The following PTPRD variants were observed in gnomAD, a reference collection of about 807,000 sequenced individuals.
The protein encoded by PTPRD is protein tyrosine phosphatase receptor type D.
PTPRD carries 34 observed loss-of-function variants against 214.5 expected under a neutral mutation model. That is an observed-to-expected ratio of 0.16 (90% CI 0.12 to 0.21). The LOEUF (loss-of-function observed/expected upper bound fraction) is 0.21, where lower values mean the gene tolerates loss of function less well. PTPRD is among the 10% of genes least tolerant of loss of function. The pLI, the probability that PTPRD is intolerant of heterozygous loss-of-function variation, is 1.00. For synonymous variants in PTPRD, 1,128 were observed against 845.7 expected, an observed-to-expected ratio of 1.33 and a Z score of -5.79; for missense variants, 2,545 against 2,398.7, an observed-to-expected ratio of 1.06 and a Z score of -1.27.
At chr9:8,715,406 T>C (rs1233121805) in intron 12 of PTPRD, among the ~76,000 whole-genome samples, 1 of 152,190 alleles carries the variant, frequency 6.6e-6, no homozygotes, top group Non-Finnish European at 1.5e-5. Flanking sequence ...CTTGCCATCA[T>C]ACCACCAGCA....
At chr9:9,579,284 A>C (rs186737372) in intron 7 of PTPRD, among the ~76,000 whole-genome samples, 2 of 152,190 alleles carry the variant, frequency 1.3e-5, no homozygotes, top group Admixed American at 1.3e-4. Context: ...CAAAGTCTTT[A>C]AGTTCATCTC....
chr9:8,397,705 C>T (rs1279069663), intron 36 of PTPRD, among the ~76,000 whole-genome samples: 1 of 152,112 alleles, frequency 6.6e-6, no homozygotes, highest in Admixed American at 6.6e-5. Context: ...TGGTGGATAA[C>T]ATTACAGAAG....
intron 11 of PTPRD, among the ~76,000 whole-genome samples, chr9:8,774,797 G>C (rs1181441323): frequency 1.3e-5 from 2 of 152,054 alleles, no homozygotes; most frequent in African/African-American, 4.8e-5. Context: ...GCCTCCCAAA[G>C]TGCTGGAATC....
chr9:9,994,697 A>G (rs2075327162), intron 4 of PTPRD, among the ~76,000 whole-genome samples: 1 of 152,126 alleles, frequency 6.6e-6, no homozygotes, highest in Admixed American at 6.5e-5. Context: ...GACCATGTGC[A>G]TCTTAAACAA....
At chr9:9,213,470 C>A (rs960637597) in intron 9 of PTPRD, among the ~76,000 whole-genome samples, 14 of 152,258 alleles carry the variant, frequency 9.2e-5, no homozygotes, top group African/African-American at 3.4e-4. Flanking sequence ...AAAATCACTT[C>A]ATTTAAAACC....
chr9:9,199,939 T>C (rs957002003), intron 9 of PTPRD, among the ~76,000 whole-genome samples: 1 of 152,210 alleles, frequency 6.6e-6, no homozygotes. Flanking sequence ...TTAGCAAGTC[T>C]TTGAAACTTA....
chr9:10,457,099 G>C (rs1210987767), intron 2 of PTPRD, among the ~76,000 whole-genome samples: 1 of 151,178 alleles, frequency 6.6e-6, no homozygotes. Context: ...CTTTTTTATT[G>C]AGCTAATGCA....
At chr9:9,322,738 T>A (rs565952739) in intron 9 of PTPRD, among the ~76,000 whole-genome samples, 49 of 152,274 alleles carry the variant, frequency 3.2e-4, no homozygotes, top group Non-Finnish European at 6.3e-4. Flanking sequence ...AACCGTTTTG[T>A]AGAGACTTCA....
chr9:10,511,639 C>G (rs1203903965), intron 2 of PTPRD, among the ~76,000 whole-genome samples: 1 of 147,426 alleles, frequency 6.8e-6, no homozygotes, highest in African/African-American at 2.5e-5. Context: ...TGGTCTTGAA[C>G]TCCTGACCTC....
chr9:10,016,831 A>C (rs2096727494), intron 4 of PTPRD, among the ~76,000 whole-genome samples: 1 of 152,038 alleles, frequency 6.6e-6, no homozygotes, highest in Non-Finnish European at 1.5e-5. Context: ...TGTCTGGCTA[A>C]TCTTTTGATT....
At chr9:9,908,383 G>T (rs566263175) in intron 5 of PTPRD, among the ~76,000 whole-genome samples, 7 of 151,810 alleles carry the variant, frequency 4.6e-5, no homozygotes, top group South Asian at 2.1e-4. Flanking sequence ...GGTGGGAAGG[G>T]GTCTCTCCAG....
intron 8 of PTPRD, among the ~76,000 whole-genome samples, chr9:9,414,061 A>G (rs2076298694): frequency 6.6e-6 from 1 of 152,210 alleles, no homozygotes; most frequent in African/African-American, 2.4e-5. Flanking sequence ...TTCACCTCCT[A>G]TTATTTAAAA....
intron 2 of PTPRD, among the ~76,000 whole-genome samples, chr9:10,560,628 T>G (rs1322539888): frequency 6.7e-6 from 1 of 149,986 alleles, no homozygotes; most frequent in African/African-American, 2.5e-5. Flanking sequence ...AAATATGGAG[T>G]AAGAATAAGA....
intron 5 of PTPRD, among the ~76,000 whole-genome samples, chr9:9,814,872 T>C (rs2048274931): frequency 6.7e-6 from 1 of 149,042 alleles, no homozygotes; most frequent in Non-Finnish European, 1.5e-5. Flanking sequence ...CGATCACGGT[T>C]CACTGCAGCC....
At position 8,341,202 on chromosome 9, in the gene PTPRD, T is replaced by G. The variant is rs2132436105; in HGVS notation, c.5014A>C (p.Lys1672Gln). The G allele has an allele frequency of 6.2e-7, 1 of 1,613,228 alleles. No homozygotes were observed. The highest frequency in any genetic ancestry group is 8.5e-7 in the Non-Finnish European group (1 of 1,179,508). Residue 1672 changes from lysine to glutamine, a missense_variant, in exon 41 of 46, where the codon AAA (lysine) becomes CAA (glutamine). Transcript: ENST00000381196. ...ISANLPCNKFKNRLVNIMPYE... is the reference protein window; with the variant it reads ...ISANLPCNKFQNRLVNIMPYE... Reference sequence around the variant, plus strand: ...GGCATAATATTAACAAGGCGATTTTTGAATTTATTACATGGAAGATTGGCA... The same window carrying G: ...GGCATAATATTAACAAGGCGATTTTGGAATTTATTACATGGAAGATTGGCA...
intron 10 of PTPRD, among the ~76,000 whole-genome samples, chr9:9,137,648 T>C (rs2154478920): frequency 6.6e-6 from 1 of 152,310 alleles, no homozygotes; most frequent in African/African-American, 2.4e-5. Context: ...TTAGTTTATT[T>C]ACTATAACAA....
intron 39 of PTPRD, among the ~76,000 whole-genome samples, chr9:8,366,757 T>G (rs10125894): frequency 0.1 from 15,178 of 152,238 alleles, 832 homozygotes; most frequent in African/African-American, 0.14. Context: ...TGGGGCTTAT[T>G]GTTTGGAACT....
At chr9:9,485,968 T>C (rs1399855186) in intron 8 of PTPRD, among the ~76,000 whole-genome samples, 1 of 151,692 alleles carries the variant, frequency 6.6e-6, no homozygotes, top group African/African-American at 2.4e-5. Context: ...CTAGCCAACA[T>C]AGTGAAACCT....
intron 4 of PTPRD, among the ~76,000 whole-genome samples, chr9:9,958,120 A>T (rs1484186844): frequency 3.9e-5 from 6 of 152,230 alleles, no homozygotes; most frequent in African/African-American, 1.4e-4. Flanking sequence ...AACTCAAAAA[A>T]TTCTAGAAGA....
Sources: gnomAD v4.1 joint callset for allele counts (sites outside exome capture counted in the v4.1 genomes callset) on GRCh38, gnomAD v4.1.1 for gene constraint, MANE v1.5 for transcripts, NCBI Gene and HGNC (gene_info 2026-07-23, HGNC 2026-07-21) for gene names.